TRIM50: variants seen among roughly 807,000 people sequenced by gnomAD.
TRIM50 encodes tripartite motif containing 50.
In TRIM50, 34 loss-of-function variants were observed where a neutral mutation model predicts 44.9. The ratio of observed to expected loss-of-function variants is 0.76; its 90% CI spans 0.58 to 1.01. TRIM50 has a LOEUF of 1.01. Ranked by LOEUF, TRIM50 falls within the 50% of genes least tolerant of loss-of-function variation. The pLI is 0.00. For synonymous variants in TRIM50, 307 were observed against 291.1 expected, an observed-to-expected ratio of 1.05 and a Z score of -0.56; for missense variants, 633 against 663.7, an observed-to-expected ratio of 0.95 and a Z score of 0.51.
intron 2 of TRIM50, among the ~76,000 whole-genome samples, chr7:73,322,719 T>C (rs1804525179): frequency 6.6e-6 from 1 of 152,180 alleles, no homozygotes; most frequent in African/African-American, 2.4e-5. Context: ...TCAATCCAGA[T>C]TTTAAGCCTG....
chr7:73,317,974 C>A (rs1447351184), intron 5 of TRIM50, among the ~76,000 whole-genome samples: 1 of 152,174 alleles, frequency 6.6e-6, no homozygotes, highest in Non-Finnish European at 1.5e-5. Flanking sequence ...TTACACCCAG[C>A]CACCCTGAAC....
intron 5 of TRIM50, among the ~76,000 whole-genome samples, chr7:73,317,945 C>T (rs1290267093): frequency 2.0e-5 from 3 of 152,192 alleles, no homozygotes; most frequent in African/African-American, 7.2e-5. Flanking sequence ...CCAGCTCCGA[C>T]TCCTGGTGAT....
intron 2 of TRIM50, among the ~76,000 whole-genome samples, chr7:73,321,636 T>C (rs1411949201): frequency 6.6e-6 from 1 of 152,166 alleles, no homozygotes; most frequent in East Asian, 1.9e-4. Flanking sequence ...TGGACCACCA[T>C]CTACTGCACG....
chr7:73,314,212 T>C, intron 6 of TRIM50: 2 of 360,524 alleles, frequency 5.5e-6, no homozygotes, highest in South Asian at 2.9e-5. Context: ...AGAAAAGGCC[T>C]AAGACTTTTG....
chr7:73,314,013 TGA>T (rs1320555061), intron 6 of TRIM50: 1 of 247,164 alleles, frequency 4.0e-6, no homozygotes, highest in African/African-American at 2.3e-5. Flanking sequence ...CTAGCCCACC[TGA>T]GCTTTTTGCT....
intron 1 of TRIM50, among the ~76,000 whole-genome samples, chr7:73,326,453 T>A (rs1288079256): frequency 1.3e-5 from 2 of 151,806 alleles, no homozygotes; most frequent in Non-Finnish European, 2.9e-5. Context: ...TTTACTTAGA[T>A]TTTTTAAATC....
chr7:73,315,192 A>C (rs1804327530), intron 6 of TRIM50: 1 of 224,018 alleles, frequency 4.5e-6, no homozygotes, highest in African/African-American at 2.3e-5. Flanking sequence ...CAAAGACTAA[A>C]GAAACTACCA....
At chr7:73,320,269 G>C (rs374581009) in intron 2 of TRIM50, 27 bp from the exon 3 acceptor site, 1 of 1,613,976 alleles carries the variant, frequency 6.2e-7, no homozygotes, top group Non-Finnish European at 8.5e-7. Context: ...ATGGCCCCAT[G>C]AGCAGCTGAT....
In TRIM50 at chr7:73,328,005, C is replaced by T. The variant is rs2695369; in HGVS notation, c.-124G>A. 6.8e-5 allele frequency: 42 copies of T among 613,230 alleles called. No individual in the cohort carries two copies. Among genetic ancestry groups the T allele is most frequent in the East Asian group, 2.5e-4 (9 of 35,560 alleles). 38.0% of individuals were successfully genotyped at this position (613,230 alleles called of 1,614,324 possible). On this transcript the variant is annotated 5_prime_UTR_variant, in exon 1 of 7. The change creates a new upstream start codon in the 5' untranslated region. Transcript: ENST00000333149. The stretch of plus-strand genomic sequence containing the variant: ...ATTACGTGCCCCACCTAACCCCCCA[C>T]GTCCGTGCCTCATCATGACCCGCAC...
In TRIM50 at chr7:73,313,270, C is replaced by T. The variant is rs782766082; in HGVS notation, c.1115G>A (p.Arg372His). Residue 372 changes from arginine to histidine, a missense_variant, in exon 7 of 7, where the codon CGT becomes CAT. Physicochemically the swap from Arg to His is conservative, Grantham distance 29. Coordinates refer to ENST00000333149, the MANE Select transcript of TRIM50 (RefSeq NM_178125.3). The surrounding 1 kb of genome is among the most constrained non-coding windows in gnomAD (Gnocchi z 4.9). ...GGGGGACCTGTTCAGCTTGCCCTTACGGCTGGCTGTGCCCTTGATGACCCC... is the reference window on the plus strand; with the variant it reads ...GGGGGACCTGTTCAGCTTGCCCTTATGGCTGGCTGTGCCCTTGATGACCCC... ...RLGVIKGTAS[R>H]KGKLNRSPEH... 4.7e-5 allele frequency: 76 copies of T among 1,601,552 alleles called. No homozygotes were observed. Among genetic ancestry groups the T allele is most frequent in the Non-Finnish European group, 5.7e-5 (67 of 1,175,006 alleles).
intron 1 of TRIM50, among the ~76,000 whole-genome samples, chr7:73,326,056 A>G (rs1305154752): frequency 6.6e-6 from 1 of 151,878 alleles, no homozygotes; most frequent in Non-Finnish European, 1.5e-5. Context: ...CCAAGCTAAT[A>G]TTTAAAAAAT....
chr7:73,324,303 C>A (rs1181692659), intron 2 of TRIM50, 86 bp downstream of exon 2: 8 of 1,601,914 alleles, frequency 5.0e-6, no homozygotes, highest in Non-Finnish European at 6.0e-6. Context: ...TAGCTGGATC[C>A]TTTTGGTGCC....
chr7:73,319,644 G>A (rs1412591190), intron 3 of TRIM50, among the ~76,000 whole-genome samples: 1 of 152,234 alleles, frequency 6.6e-6, no homozygotes, highest in African/African-American at 2.4e-5. Flanking sequence ...AAATGAGGGA[G>A]GCTGAGTGCT....
chr7:73,312,739 C>T lies in TRIM50; in HGVS notation c.*182G>A, dbSNP rs577158317. ...TGGGGGCCGAAGTTTACAAATACAC[C>T]CTTGGCTGAGGGGAAAGGGACTGGG... On this transcript the variant is annotated 3_prime_UTR_variant, in exon 7 of 7. Transcript: ENST00000333149. 6.6e-5 allele frequency: 39 copies of T among 586,912 alleles called. 1 individual carries two copies. The Middle Eastern group carries it at 1.8e-3, about 28-fold the overall frequency. The allele number at this position is 586,912 out of a possible 1,614,324, so 36.4% of individuals were successfully genotyped here. A position where few individuals can be genotyped will look rare whatever the true frequency, so the allele number is the denominator to read the frequency against.
At position 73,313,896 on chromosome 7, in the gene TRIM50, G is replaced by T. The variant is rs1456481821; in HGVS notation, c.875-386C>A. Reference sequence around the variant, plus strand: ...GAGGTGTTGTGGGAAGGACCCGGAAGACACCTGTCCTGTGAGCCTATAGCT... The same window carrying T: ...GAGGTGTTGTGGGAAGGACCCGGAATACACCTGTCCTGTGAGCCTATAGCT... On this transcript the variant is annotated intron_variant, in intron 6 of 6. Transcript: ENST00000333149. The surrounding 1 kb of genome is among the most constrained non-coding windows in gnomAD (Gnocchi z 4.9). 6.6e-6 allele frequency among the ~76,000 whole-genome samples: 1 copy of T among 152,160 alleles called. No individual in the cohort carries two copies. Among genetic ancestry groups the T allele is most frequent in the Non-Finnish European group, 1.5e-5 (1 of 68,028 alleles).
In TRIM50 at chr7:73,321,251, T is replaced by C. The variant is rs147864631; in HGVS notation, c.400-1009A>G. 3.5e-3 allele frequency among the ~76,000 whole-genome samples: 538 copies of C among 152,130 alleles called. 4 individuals carry two copies. Among genetic ancestry groups the C allele is most frequent in the African/African-American group, 0.013 (523 of 41,500 alleles). ...CTCAATGTCACCCCTCTGCATGACA[T>C]GGAGAGAGTCACTAAACGTTACAGC... On this transcript the variant is annotated intron_variant, in intron 2 of 6. Transcript: ENST00000333149.
At chr7:73,318,764 G>A (rs1299239678) in intron 4 of TRIM50, 55 bp from the exon 5 acceptor site, 1 of 1,613,900 alleles carries the variant, frequency 6.2e-7, no homozygotes, top group Non-Finnish European at 8.5e-7. Context: ...CTAGGGCACT[G>A]TTGGGAAGGG....
At chr7:73,324,886 G>A (rs564214656) in intron 1 of TRIM50, 81 bp from the exon 2 acceptor site, 260 of 1,569,246 alleles carry the variant, frequency 1.7e-4, no homozygotes, top group Non-Finnish European at 2.2e-4. Flanking sequence ...CAACCCTAAG[G>A]AGCACCAGAA....
intron 6 of TRIM50, among the ~76,000 whole-genome samples, chr7:73,315,432 C>G (rs1554543900): frequency 6.6e-6 from 1 of 151,040 alleles, no homozygotes; most frequent in Admixed American, 6.6e-5. Flanking sequence ...AATCATAGCT[C>G]ACTGCAGCCT....
Sources: gnomAD v4.1 joint callset for allele counts (sites outside exome capture counted in the v4.1 genomes callset) on GRCh38, gnomAD v4.1.1 for gene constraint, Gnocchi (gnomAD v3.1) non-coding constraint, MANE v1.5 for transcripts, NCBI Gene and HGNC (gene_info 2026-07-23, HGNC 2026-07-21) for gene names.